The following NGEF variants were observed in gnomAD, a reference collection of about 807,000 sequenced individuals.
The protein encoded by NGEF is neuronal guanine nucleotide exchange factor.
Under a neutral mutation model 80.9 loss-of-function variants are expected in NGEF, and 31 were observed. The observed-to-expected ratio is 0.38, with a 90% CI of 0.29 to 0.52. NGEF has a LOEUF of 0.52. Ranked by LOEUF, NGEF falls within the 20% of genes least tolerant of loss-of-function variation. NGEF has a pLI of 0.84. For synonymous variants in NGEF, 371 were observed against 370.2 expected, an observed-to-expected ratio of 1.00 and a Z score of -0.03; for missense variants, 709 against 926.2, an observed-to-expected ratio of 0.77 and a Z score of 3.04.
chr2:233,009,759 T>C (rs28561862), intron 1 of NGEF, among the ~76,000 whole-genome samples: 57,161 of 151,884 alleles, frequency 0.38, 13,070 homozygotes, highest in Non-Finnish European at 0.51. Context: ...AGCCACCAGG[T>C]GCAGGGTGCA....
At position 232,929,189 on chromosome 2, in the gene NGEF, C is replaced by G. The variant is rs542976130; in HGVS notation, c.384-2003G>C. On this transcript the variant is annotated intron_variant, in intron 3 of 14. Coordinates refer to ENST00000264051, the MANE Select transcript of NGEF (RefSeq NM_019850.3). Reference sequence around the variant, plus strand: ...GCAGGGGTGGAGTGCGGAGCATAGTCCCCCGCACGCTCCAACCCACCCGGC... The same window carrying G: ...GCAGGGGTGGAGTGCGGAGCATAGTGCCCCGCACGCTCCAACCCACCCGGC... Among the ~76,000 whole-genome samples, 4 of 152,200 alleles carry G rather than the reference C, an allele frequency of 2.6e-5. No homozygotes were observed. The South Asian group carries it at 6.2e-4, about 24-fold the overall frequency.
At chr2:232,955,739 G>A (rs1693814265) in intron 3 of NGEF, among the ~76,000 whole-genome samples, 1 of 152,138 alleles carries the variant, frequency 6.6e-6, no homozygotes, top group Admixed American at 6.5e-5. Context: ...GGCTGGTCCT[G>A]AACTCCTGAC....
chr2:232,887,945 C>T lies in NGEF; in HGVS notation c.1347+88G>A, dbSNP rs1020233739. ...AATTTGCATATTCTAAAAAGACACA[C>T]GGACATGTGGGGAGCAGGGCCGGAA... On this transcript the variant is annotated intron_variant, in intron 9 of 14. Coordinates refer to ENST00000264051, the MANE Select transcript of NGEF (RefSeq NM_019850.3). 1.4e-5 allele frequency: 14 copies of T among 988,394 alleles called. No homozygotes were observed. The East Asian group carries it at 2.4e-4, about 17-fold the overall frequency. 61.2% of individuals were successfully genotyped at this position (988,394 alleles called of 1,614,324 possible). A position where few individuals can be genotyped will look rare whatever the true frequency, so the allele number is the denominator to read the frequency against.
chr2:232,947,406 T>C (rs962653232), intron 3 of NGEF, among the ~76,000 whole-genome samples: 2 of 152,164 alleles, frequency 1.3e-5, no homozygotes, highest in Non-Finnish European at 2.9e-5. Flanking sequence ...TCTCTAATTG[T>C]ATTCCCCACA....
intron 1 of NGEF, among the ~76,000 whole-genome samples, chr2:232,978,541 T>C (rs1356989813): frequency 2.6e-5 from 4 of 151,852 alleles, no homozygotes; most frequent in Non-Finnish European, 5.9e-5. Flanking sequence ...GAAACAAAAA[T>C]AACTTGCGGT....
intron 4 of NGEF, among the ~76,000 whole-genome samples, chr2:232,921,087 A>G (rs1692932781): frequency 6.6e-6 from 1 of 152,216 alleles, no homozygotes; most frequent in African/African-American, 2.4e-5. Flanking sequence ...AAAGGGAAAC[A>G]TTCCCTTTTT....
chr2:233,004,693 C>T (rs1446625707), intron 1 of NGEF, among the ~76,000 whole-genome samples: 1 of 152,168 alleles, frequency 6.6e-6, no homozygotes, highest in African/African-American at 2.4e-5. Flanking sequence ...GCCTTACCTG[C>T]CCTTACTGGC....
rs1464461940 is a variant in NGEF at position 232,948,179 on chromosome 2, GTGTGTA to G, written c.384-20999_384-20994del. ...TGTGTGTGTGTGTGTGTGTGTGTGT[GTGTGTA>G]TATAATTATTATTAGTTTTTTGAGA... On this transcript the variant is annotated intron_variant, in intron 3 of 14. Transcript: ENST00000264051. Among the ~76,000 whole-genome samples the G allele has an allele frequency of 1.4e-3, 203 of 147,602 alleles. 1 individual carries two copies. The highest frequency in any genetic ancestry group is 4.5e-3 in the African/African-American group (175 of 38,866).
intron 5 of NGEF, among the ~76,000 whole-genome samples, chr2:232,902,343 C>A (rs1202797544): frequency 6.6e-6 from 1 of 152,228 alleles, no homozygotes; most frequent in Non-Finnish European, 1.5e-5. Flanking sequence ...AGAGCCCGAG[C>A]CCAGCCCGCT....
At chr2:232,906,690 G>A (rs1692562473) in intron 5 of NGEF, among the ~76,000 whole-genome samples, 1 of 137,456 alleles carries the variant, frequency 7.3e-6, no homozygotes, top group South Asian at 2.4e-4. Context: ...GTACCCAACA[G>A]CTCATTGAGA....
chr2:232,939,929 G>A (rs539837518), intron 3 of NGEF, among the ~76,000 whole-genome samples: 8 of 151,984 alleles, frequency 5.3e-5, no homozygotes, highest in African/African-American at 1.9e-4. Context: ...CCTGGGAGGC[G>A]GAGGTTGCAG....
At chr2:232,952,338 C>T (rs1291393889) in intron 3 of NGEF, among the ~76,000 whole-genome samples, 1 of 152,192 alleles carries the variant, frequency 6.6e-6, no homozygotes, top group Admixed American at 6.5e-5. Flanking sequence ...ATTTTAAATG[C>T]GTTCTTTCAT....
chr2:232,953,301 CAAAAAAA>C (rs57652494), intron 3 of NGEF, among the ~76,000 whole-genome samples: 2 of 91,246 alleles, frequency 2.2e-5, no homozygotes, highest in African/African-American at 4.4e-5. Flanking sequence ...GACTCTGTGT[CAAAAAAA>C]AAAAAAAAAA....
At position 232,927,118 on chromosome 2, in the gene NGEF, G is replaced by A; in HGVS notation, c.452C>T (p.Thr151Ile). The A allele has an allele frequency of 6.2e-7, 1 of 1,613,244 alleles. No homozygotes were observed. Among genetic ancestry groups the A allele is most frequent in the Non-Finnish European group, 8.5e-7 (1 of 1,179,832 alleles). ...EEWPALADSP[T>I]TLTEALRMIH... The stretch of plus-strand genomic sequence containing the variant: ...CATCCGCAGGGCCTCGGTGAGCGTG[G>A]TGGGGCTGTCGGCCAGGGCCGGCCA... The change falls in exon 4 of 15, where the codon ACC becomes ATC. Residue 151 changes from threonine to isoleucine, a missense_variant. Physicochemically the swap from Thr to Ile is moderately conservative, Grantham distance 89. Around this residue, in one of 2 missense-constraint regions of NGEF, gnomAD observed 283 missense variants for 303.4 expected, o/e 0.93. Coordinates refer to ENST00000264051, the MANE Select transcript of NGEF (RefSeq NM_019850.3).
At chr2:232,984,488 T>C (rs953395818) in intron 1 of NGEF, among the ~76,000 whole-genome samples, 5 of 151,760 alleles carry the variant, frequency 3.3e-5, no homozygotes, top group African/African-American at 1.2e-4. Flanking sequence ...GAGTTGTAGG[T>C]TATGGATTTG....
intron 3 of NGEF, chr2:232,969,952 C>T: frequency 4.7e-6 from 1 of 214,718 alleles, no homozygotes; most frequent in Non-Finnish European, 9.1e-6. Context: ...ATCGTTAGAG[C>T]CCAGGAGTTT....
At chr2:232,888,663 G>A (rs1455676803) in intron 8 of NGEF, among the ~76,000 whole-genome samples, 3 of 152,216 alleles carry the variant, frequency 2.0e-5, no homozygotes, top group East Asian at 1.9e-4. Context: ...GGACTGTCAC[G>A]CTTAGGGTCA....
At chr2:232,906,282 G>A in intron 5 of NGEF, among the ~76,000 whole-genome samples, 1 of 130,598 alleles carries the variant, frequency 7.7e-6, no homozygotes, top group Non-Finnish European at 1.7e-5. Context: ...CCTCTGCCCG[G>A]CAGCCCCTAC....
intron 2 of NGEF, 36 bp downstream of exon 2, chr2:232,974,587 A>G: frequency 6.2e-7 from 1 of 1,600,930 alleles, no homozygotes; most frequent in Non-Finnish European, 8.5e-7. Context: ...AGTTGGATGT[A>G]AGGGAACAGC....
Sources: gnomAD v4.1 joint callset for allele counts (sites outside exome capture counted in the v4.1 genomes callset) on GRCh38, gnomAD v4.1.1 for gene constraint, gnomAD v4.1.1 regional missense constraint, MANE v1.5 for transcripts, NCBI Gene and HGNC (gene_info 2026-07-23, HGNC 2026-07-21) for gene names.